The following OSBPL9 variants were observed in gnomAD, a reference collection of about 807,000 sequenced individuals.
OSBPL9 encodes the protein oxysterol-binding protein-related protein 9.
In OSBPL9, 40 loss-of-function variants were observed where a neutral mutation model predicts 106.6. That is an observed-to-expected ratio of 0.38 (90% confidence interval 0.29 to 0.49). The LOEUF is 0.49. Among genes scored for constraint, OSBPL9 ranks in the 20% least tolerant of loss-of-function variants. OSBPL9 has a pLI of 0.97. For synonymous variants in OSBPL9, 269 were observed against 295.4 expected (o/e 0.91, Z 0.92); for missense variants, 609 against 887.2 (o/e 0.69, Z 3.98).
chr1:51,603,647 A>G (rs1191600175), intron 2 of OSBPL9, among the ~76,000 whole-genome samples: 1 of 152,152 alleles, frequency 6.6e-6, no homozygotes, highest in Non-Finnish European at 1.5e-5. Context: ...TAGTTGTATT[A>G]TTCTGCGCCA....
At chr1:51,562,817 C>A in the OSBPL9 span, among the ~76,000 whole-genome samples, 2 of 152,168 alleles carry the variant, frequency 1.3e-5, no homozygotes, top group Non-Finnish European at 2.9e-5. Context: ...CAAATAAAAT[C>A]ATGCTTGCTT....
intron 11 of OSBPL9, 126 bp downstream of exon 11, chr1:51,762,097 AGTTT>A: frequency 1.5e-6 from 1 of 646,656 alleles, no homozygotes; most frequent in Non-Finnish European, 2.8e-6. Flanking sequence ...GAGATATGTT[AGTTT>A]TAACATTATA....
intron 1 of OSBPL9, among the ~76,000 whole-genome samples, chr1:51,644,668 A>T (rs1014467259): frequency 6.6e-6 from 1 of 152,094 alleles, no homozygotes; most frequent in Admixed American, 6.6e-5. Flanking sequence ...CCAGGTGGAG[A>T]TGTGCTGAGG....
At chr1:51,598,504 A>G (rs1429400000) in intron 2 of OSBPL9, among the ~76,000 whole-genome samples, 1 of 152,212 alleles carries the variant, frequency 6.6e-6, no homozygotes, top group Non-Finnish European at 1.5e-5. Context: ...GATGCTTAGC[A>G]GTGTCTCTGG....
intron 4 of OSBPL9, among the ~76,000 whole-genome samples, chr1:51,735,097 C>T (rs978221988): frequency 2.6e-5 from 4 of 152,144 alleles, no homozygotes; most frequent in Non-Finnish European, 5.9e-5. Flanking sequence ...TCCTTTATCC[C>T]TTGGCTTCTG....
intron 2 of OSBPL9, among the ~76,000 whole-genome samples, chr1:51,608,679 G>A (rs376346074): frequency 2.7e-5 from 3 of 110,790 alleles, no homozygotes; most frequent in Non-Finnish European, 6.0e-5. Context: ...TCCTGGATTG[G>A]GGGGGGGGGC....
chr1:51,677,113 T>G (rs373659195), intron 3 of OSBPL9, among the ~76,000 whole-genome samples: 5 of 152,168 alleles, frequency 3.3e-5, no homozygotes, highest in African/African-American at 7.2e-5. Flanking sequence ...TAAAGTGTGG[T>G]TCTCGAATAG....
chr1:51,765,749 C>G (rs1672418601), intron 11 of OSBPL9, 73 bp from the exon 12 acceptor site: 16 of 1,342,432 alleles, frequency 1.2e-5, no homozygotes, highest in Non-Finnish European at 1.5e-5. Flanking sequence ...TTAGAAAAGT[C>G]TGCTTTGACT....
rs202164139 is a variant in OSBPL9, at chr1:51,632,932, TA to T, written c.111+15720del. Among the ~76,000 whole-genome samples, 11 of 151,164 alleles carry T rather than the reference TA, an allele frequency of 7.3e-5. No individual in the cohort carries two copies. The South Asian group carries it at 1.0e-3, about 14-fold the overall frequency. On this transcript the variant is annotated intron_variant, in intron 1 of 23. Coordinates refer to ENST00000428468, the MANE Select transcript of OSBPL9 (RefSeq NM_024586.6). Reference sequence around the variant, plus strand: ...ATTTTGAAGTAAAGTTAGACTTGATTAAAAAAAAATGAGAGTTTTTAAATTG... The same window carrying T: ...ATTTTGAAGTAAAGTTAGACTTGATTAAAAAAAATGAGAGTTTTTAAATTG...
chr1:51,601,030 A>T (rs1219364687), intron 2 of OSBPL9, among the ~76,000 whole-genome samples: 1 of 152,134 alleles, frequency 6.6e-6, no homozygotes, highest in Non-Finnish European at 1.5e-5. Context: ...TTAATTTTTT[A>T]TTTGTTCAGT....
At chr1:51,652,141 A>G (rs1319058643) in intron 2 of OSBPL9, 100 bp downstream of exon 2, 3 of 848,462 alleles carry the variant, frequency 3.5e-6, no homozygotes, top group East Asian at 5.5e-5. Context: ...TTCCTTACAT[A>G]ATTGTTGGGG....
chr1:51,696,513 A>G (rs1018626866), intron 3 of OSBPL9, among the ~76,000 whole-genome samples: 1 of 152,218 alleles, frequency 6.6e-6, no homozygotes, highest in Non-Finnish European at 1.5e-5. Flanking sequence ...AAGTTCAGTG[A>G]TTCTAGTCGT....
chr1:51,675,788 C>G (rs920871245), intron 3 of OSBPL9, among the ~76,000 whole-genome samples: 7 of 151,994 alleles, frequency 4.6e-5, no homozygotes, highest in Admixed American at 4.6e-4. Flanking sequence ...TGAATTTTAC[C>G]TTCAAATAAA....
intron 1 of OSBPL9, among the ~76,000 whole-genome samples, chr1:51,645,362 G>C (rs78427626): frequency 6.6e-6 from 1 of 152,102 alleles, no homozygotes; most frequent in African/African-American, 2.4e-5. Flanking sequence ...GTTGAGTTGT[G>C]CGAGTTCTGT....
intron 1 of OSBPL9, among the ~76,000 whole-genome samples, chr1:51,632,174 T>C (rs910343334): frequency 6.6e-6 from 1 of 152,202 alleles, no homozygotes; most frequent in Non-Finnish European, 1.5e-5. Flanking sequence ...ATAGTAAATA[T>C]ATAAGGTAAT....
intron 2 of OSBPL9, among the ~76,000 whole-genome samples, chr1:51,599,772 T>C (rs745500952): frequency 2.6e-5 from 4 of 152,214 alleles, no homozygotes; most frequent in Admixed American, 6.5e-5. Context: ...CTTGTCTTAG[T>C]CCATTTGTGC....
chr1:51,521,658 C>T, the OSBPL9 span, among the ~76,000 whole-genome samples: 1 of 152,174 alleles, frequency 6.6e-6, no homozygotes, highest in African/African-American at 2.4e-5. Flanking sequence ...GCACAGAGCA[C>T]GAATTCAGCC....
intron 9 of OSBPL9, chr1:51,756,560 G>A (rs1670380769): frequency 3.6e-6 from 2 of 552,442 alleles, no homozygotes; most frequent in Non-Finnish European, 6.5e-6. Context: ...ATTTTTCTAA[G>A]TGTGGGTTCA....
the OSBPL9 span, among the ~76,000 whole-genome samples, chr1:51,540,958 C>CA: frequency 2.0e-3 from 227 of 115,728 alleles, no homozygotes; most frequent in African/African-American, 2.5e-3. Flanking sequence ...GACTCCATCT[C>CA]AAAAAAAAAA....
Sources: gnomAD v4.1 joint callset for allele counts (sites outside exome capture counted in the v4.1 genomes callset) on GRCh38, gnomAD v4.1.1 for gene constraint, MANE v1.5 for transcripts, NCBI Gene and HGNC (gene_info 2026-07-23, HGNC 2026-07-21) for gene names.